ATP2B1: variants seen among roughly 807,000 people sequenced by gnomAD.
The protein encoded by ATP2B1 is plasma membrane calcium-transporting ATPase 1.
Under a neutral mutation model 124.2 loss-of-function variants are expected in ATP2B1, and 14 were observed. The observed-to-expected ratio is 0.11, with a 90% CI of 0.07 to 0.18. The LOEUF (loss-of-function observed/expected upper bound fraction) is 0.18. Ranked by LOEUF, ATP2B1 falls within the 10% of genes least tolerant of loss-of-function variation. ATP2B1 has a pLI of 1.00. For missense variants in ATP2B1, 763 were observed against 1,466.1 expected (o/e 0.52, Z 7.83); for synonymous variants, 449 against 492.4 (o/e 0.91, Z 1.17).
chr12:89,676,236 A>G (rs1178082546), intron 1 of ATP2B1, among the ~76,000 whole-genome samples: 1 of 152,168 alleles, frequency 6.6e-6, no homozygotes, highest in Non-Finnish European at 1.5e-5. Flanking sequence ...AACAATAAAT[A>G]GTTTCTGAAT....
intron 6 of ATP2B1, 63 bp from the exon 7 acceptor site, chr12:89,627,779 T>C (rs371144264): frequency 3.0e-5 from 45 of 1,520,948 alleles, no homozygotes; most frequent in African/African-American, 2.6e-4. Context: ...TGCTAAATTA[T>C]GCAGAAGTAG....
chr12:89,638,161 T>C (rs1192072077), intron 3 of ATP2B1, among the ~76,000 whole-genome samples: 3 of 152,146 alleles, frequency 2.0e-5, no homozygotes, highest in Non-Finnish European at 4.4e-5. Context: ...TATAAATATA[T>C]AAAGAATTTT....
chr12:89,600,328 C>T (rs934180697), intron 19 of ATP2B1, among the ~76,000 whole-genome samples: 3 of 152,090 alleles, frequency 2.0e-5, no homozygotes, highest in African/African-American at 7.2e-5. Context: ...ATATATTAAC[C>T]TTCATCTATG....
Position 89,589,113 on chromosome 12 carries a change from C to T in ATP2B1, c.*1871G>A, listed in dbSNP as rs1028415902. 6.6e-6 allele frequency: 1 copy of T among 152,544 alleles called. No homozygotes were observed. The highest frequency in any genetic ancestry group is 2.4e-5 in the African/African-American group (1 of 41,410). The allele number at this position is 152,544 out of a possible 1,614,324, so 9.4% of individuals were successfully genotyped here. On this transcript the variant is annotated 3_prime_UTR_variant, in exon 21 of 21. Coordinates refer to ENST00000428670, the MANE Select transcript of ATP2B1 (RefSeq NM_001366521.1). ...TGTACAATTACAAATGCTGACAGAG[C>T]CAATGTGTTTCTAAGACCTGCAGAG... is the stretch of plus-strand genomic sequence containing the variant.
At chr12:89,700,012 A>T (rs984800304) in intron 1 of ATP2B1, among the ~76,000 whole-genome samples, 1 of 133,236 alleles carries the variant, frequency 7.5e-6, no homozygotes, top group East Asian at 2.1e-4. Flanking sequence ...GCCTGGCTAA[A>T]TTTTTTTTTT....
At chr12:89,690,630 T>G (rs1023094862) in intron 1 of ATP2B1, among the ~76,000 whole-genome samples, 1 of 152,020 alleles carries the variant, frequency 6.6e-6, no homozygotes, top group African/African-American at 2.4e-5. Context: ...TACTTACCAC[T>G]TACTAATTTT....
chr12:89,689,005 C>A (rs1890260364), intron 1 of ATP2B1, among the ~76,000 whole-genome samples: 2 of 152,082 alleles, frequency 1.3e-5, no homozygotes, highest in African/African-American at 4.8e-5. Context: ...TTATCAAATT[C>A]TCTTTGATAG....
intron 11 of ATP2B1, among the ~76,000 whole-genome samples, chr12:89,618,334 T>A (rs920602657): frequency 6.6e-6 from 1 of 152,232 alleles, no homozygotes; most frequent in African/African-American, 2.4e-5. Flanking sequence ...TATGCATTAC[T>A]TCATTTAAGT....
chr12:89,699,077 T>C (rs1290820864), intron 1 of ATP2B1, among the ~76,000 whole-genome samples: 3 of 152,170 alleles, frequency 2.0e-5, no homozygotes, highest in African/African-American at 2.4e-5. Context: ...TGCCCCCCTG[T>C]CCCCTCTTCA....
Position 89,677,965 on chromosome 12 carries a change from TATATATACACACACACAC to T in ATP2B1, c.-221-21876_-221-21859del, listed in dbSNP as rs1485833014. Among the ~76,000 whole-genome samples, 132 of 112,050 alleles carry T rather than the reference TATATATACACACACACAC, an allele frequency of 1.2e-3. 6 individuals carry two copies. The highest frequency in any genetic ancestry group is 4.1e-3 in the Middle Eastern group (1 of 242). The allele number at this position is 112,050 out of a possible 152,430, so 73.5% of individuals were successfully genotyped here. ...GGGGCATGCAGGAATTATATATATA[TATATATACACACACACAC>T]ACACACACACACACACACACACACA... On this transcript the variant is annotated intron_variant, in intron 1 of 20. Transcript: ENST00000428670.
intron 1 of ATP2B1, among the ~76,000 whole-genome samples, chr12:89,677,311 T>C (rs374628455): frequency 6.6e-6 from 1 of 152,118 alleles, no homozygotes; most frequent in Non-Finnish European, 1.5e-5. Flanking sequence ...ATTTCAATTG[T>C]ATGCTGGGAA....
rs2135943089 is a variant in ATP2B1, at chr12:89,603,246, A to C, written c.2857T>G (p.Phe953Val). The change falls in exon 18 of 21, where the codon TTT (phenylalanine) becomes GTT (valine). Residue 953 changes from phenylalanine to valine, a missense_variant. By Grantham distance (50) the Phe-to-Val change is conservative. Coordinates refer to ENST00000428670, the MANE Select transcript of ATP2B1 (RefSeq NM_001366521.1). This position sits in a 1 kb window ranked among gnomAD's most constrained non-coding sequence, Gnocchi z 4.3. ...VFTLLFAGEK[F>V]FDIDSGRNAP... Reference sequence around the variant, plus strand: ...TTTCTTCCACTATCAATGTCAAAAAACTTTTCTCCTGAAAGAATGAAAAAT... The same window carrying C: ...TTTCTTCCACTATCAATGTCAAAAACCTTTTCTCCTGAAAGAATGAAAAAT... The C allele has an allele frequency of 6.3e-7, 1 of 1,598,650 alleles. No homozygotes were observed. The highest frequency in any genetic ancestry group is 8.5e-7 in the Non-Finnish European group (1 of 1,173,538).
At chr12:89,627,527 G>C in intron 7 of ATP2B1, 151 bp downstream of exon 7, 1 of 751,624 alleles carries the variant, frequency 1.3e-6, no homozygotes. Context: ...ACATGACTAA[G>C]ACACCGGCAG....
At chr12:89,702,490 G>T (rs955384068) in intron 1 of ATP2B1, among the ~76,000 whole-genome samples, 1 of 152,176 alleles carries the variant, frequency 6.6e-6, no homozygotes, top group Non-Finnish European at 1.5e-5. Context: ...ATCCTCCTGA[G>T]AGAGAACTCA....
chr12:89,691,405 C>T (rs544258749), intron 1 of ATP2B1, among the ~76,000 whole-genome samples: 3 of 152,108 alleles, frequency 2.0e-5, no homozygotes, highest in African/African-American at 4.8e-5. Context: ...GATACTCAAA[C>T]TCTTCTCCAT....
At chr12:89,613,835 GAA>G (rs2136025990) in intron 12 of ATP2B1, among the ~76,000 whole-genome samples, 1 of 152,246 alleles carries the variant, frequency 6.6e-6, no homozygotes, top group East Asian at 1.9e-4. Context: ...TTACATATAA[GAA>G]ACTAAAGCAA....
chr12:89,641,561 G>C (rs2136237182), intron 3 of ATP2B1, among the ~76,000 whole-genome samples: 1 of 152,252 alleles, frequency 6.6e-6, no homozygotes, highest in South Asian at 2.1e-4. Flanking sequence ...TTTGTGGTAA[G>C]TACTTATGTG....
chr12:89,644,662 G>A (rs1289017630), intron 2 of ATP2B1, among the ~76,000 whole-genome samples: 3 of 152,076 alleles, frequency 2.0e-5, no homozygotes, highest in Admixed American at 2.0e-4. Flanking sequence ...TAGTCTATGC[G>A]TAGGTTTGTC....
At chr12:89,610,702 A>C (rs1877839527) in intron 13 of ATP2B1, 194 bp from the exon 14 acceptor site, 2 of 528,212 alleles carry the variant, frequency 3.8e-6, no homozygotes. Flanking sequence ...GGGCAGGCCC[A>C]GCAATCTGTG....
Sources: gnomAD v4.1 joint callset for allele counts (sites outside exome capture counted in the v4.1 genomes callset) on GRCh38, gnomAD v4.1.1 for gene constraint, Gnocchi (gnomAD v3.1) non-coding constraint, MANE v1.5 for transcripts, NCBI Gene and HGNC (gene_info 2026-07-23, HGNC 2026-07-21) for gene names.